ZFYVE9: variants seen among roughly 807,000 people sequenced by gnomAD.
ZFYVE9 encodes the protein zinc finger FYVE domain-containing protein 9.
Under a neutral mutation model 126.7 loss-of-function variants are expected in ZFYVE9, and 43 were observed. That is an observed-to-expected ratio of 0.34 (90% confidence interval 0.27 to 0.44). The LOEUF is 0.44. Among genes scored for constraint, ZFYVE9 ranks in the 20% least tolerant of loss-of-function variants. The pLI, the probability that ZFYVE9 is intolerant of heterozygous loss-of-function variation, is 1.00. For synonymous variants in ZFYVE9, 521 were observed against 597.4 expected (o/e 0.87, Z 1.87); for missense variants, 1,476 against 1,697.0 (o/e 0.87, Z 2.29).
intron 1 of ZFYVE9, among the ~76,000 whole-genome samples, chr1:52,165,493 C>T (rs140911435): frequency 1.2e-4 from 19 of 152,154 alleles, no homozygotes; most frequent in African/African-American, 4.6e-4. Flanking sequence ...TAGAAGGGAA[C>T]AGAATAAATC....
intron 6 of ZFYVE9, among the ~76,000 whole-genome samples, chr1:52,267,422 T>C (rs1034991556): frequency 5.3e-5 from 8 of 152,194 alleles, no homozygotes; most frequent in African/African-American, 1.9e-4. Context: ...ATGATGATAA[T>C]ATTGTCAGAT....
chr1:52,340,756 C>T (rs967719885), intron 17 of ZFYVE9, among the ~76,000 whole-genome samples: 2 of 151,600 alleles, frequency 1.3e-5, no homozygotes, highest in African/African-American at 2.4e-5. Context: ...AAAAATTAGC[C>T]GAGGCATGGT....
chr1:52,199,667 A>G (rs1461209710), intron 1 of ZFYVE9, among the ~76,000 whole-genome samples: 2 of 152,204 alleles, frequency 1.3e-5, no homozygotes, highest in Non-Finnish European at 2.9e-5. Flanking sequence ...TTGTGTGGAC[A>G]TGTTTTCAGC....
chr1:52,213,907 G>A lies in ZFYVE9; in HGVS notation c.-142-2462G>A, dbSNP rs191132099. Among the ~76,000 whole-genome samples the A allele has an allele frequency of 5.3e-5, 8 of 152,220 alleles. No individual in the cohort carries two copies. The East Asian group carries it at 1.5e-3, about 29-fold the overall frequency. ...TATAGAGACTCCAAGGTTCTCTAAG[G>A]GCTTAGGTGAGGTGTGGTACTGAAA... is the stretch of plus-strand genomic sequence containing the variant. On this transcript the variant is annotated intron_variant, in intron 1 of 18. Transcript: ENST00000287727.
At chr1:52,334,370 G>A (rs1646370776) in intron 14 of ZFYVE9, among the ~76,000 whole-genome samples, 1 of 152,098 alleles carries the variant, frequency 6.6e-6, no homozygotes, top group African/African-American at 2.4e-5. Flanking sequence ...TACAAAAGCA[G>A]GCTGGAGGCC....
intron 13 of ZFYVE9, among the ~76,000 whole-genome samples, chr1:52,309,412 G>A (rs574767521): frequency 2.0e-5 from 3 of 152,288 alleles, no homozygotes; most frequent in Non-Finnish European, 2.9e-5. Context: ...CCAGGAAGTC[G>A]AGACTGCAGT....
chr1:52,181,496 G>A (rs1173145796), intron 1 of ZFYVE9, among the ~76,000 whole-genome samples: 3 of 152,190 alleles, frequency 2.0e-5, no homozygotes. Flanking sequence ...GCCTCTGCCC[G>A]GCCGCCACCC....
chr1:52,303,225 T>C (rs886297176), intron 12 of ZFYVE9, among the ~76,000 whole-genome samples: 2 of 152,210 alleles, frequency 1.3e-5, no homozygotes, highest in Admixed American at 6.5e-5. Flanking sequence ...TTACCACCTA[T>C]TCATTACCAA....
At chr1:52,197,866 T>C (rs868552806) in intron 1 of ZFYVE9, among the ~76,000 whole-genome samples, 4 of 152,268 alleles carry the variant, frequency 2.6e-5, no homozygotes, top group African/African-American at 4.8e-5. Context: ...TGAGAAAATA[T>C]TCCTCTTGAA....
chr1:52,278,494 T>C lies in ZFYVE9; in HGVS notation c.2749T>C (p.Tyr917His). ...TACATTGTTTTCTCCCCTTTCAGAC[T>C]ATGCTGTGGAAGAGAAACCATCACA... ...ILISTGVKGD[Y>H]AVEEKPSQIS... Residue 917 changes from tyrosine (Y) to histidine (H), a missense_variant and splice_region_variant, in exon 9 of 19, where the codon TAT becomes CAT. Tyr to His is a moderately conservative substitution (Grantham distance 83, BLOSUM62 2). Coordinates refer to ENST00000287727, the MANE Select transcript of ZFYVE9 (RefSeq NM_004799.4). The C allele has an allele frequency of 6.2e-7, 1 of 1,614,154 alleles. No homozygotes were observed. The highest frequency in any genetic ancestry group is 8.5e-7 in the Non-Finnish European group (1 of 1,180,016).
intron 13 of ZFYVE9, among the ~76,000 whole-genome samples, chr1:52,321,080 T>G (rs1268965164): frequency 6.6e-6 from 1 of 152,208 alleles, no homozygotes; most frequent in Non-Finnish European, 1.5e-5. Flanking sequence ...TGAAATCATG[T>G]ATTTGTACAA....
chr1:52,204,477 A>C (rs1391137106), intron 1 of ZFYVE9, among the ~76,000 whole-genome samples: 2 of 152,186 alleles, frequency 1.3e-5, no homozygotes, highest in African/African-American at 4.8e-5. Flanking sequence ...TGCTAATCCC[A>C]GCACTTTGGG....
chr1:52,240,285 AT>A (rs1645320515), intron 4 of ZFYVE9, among the ~76,000 whole-genome samples: 1 of 152,152 alleles, frequency 6.6e-6, no homozygotes. Flanking sequence ...GAGATTTTAT[AT>A]TTTTGAGATA....
intron 1 of ZFYVE9, among the ~76,000 whole-genome samples, chr1:52,143,187 G>C (rs1280474582): frequency 6.6e-6 from 1 of 152,148 alleles, no homozygotes; most frequent in African/African-American, 2.4e-5. Flanking sequence ...GTACAAAAAT[G>C]TTCCACTTAA....
intron 1 of ZFYVE9, among the ~76,000 whole-genome samples, chr1:52,161,764 G>A (rs968365745): frequency 6.6e-6 from 1 of 151,996 alleles, no homozygotes; most frequent in African/African-American, 2.4e-5. Context: ...ACTGTTCCAT[G>A]CCACCCCAAA....
At chr1:52,280,473 G>A (rs1645792455) in intron 9 of ZFYVE9, among the ~76,000 whole-genome samples, 1 of 151,968 alleles carries the variant, frequency 6.6e-6, no homozygotes, top group South Asian at 2.1e-4. Flanking sequence ...GATTCCCAAA[G>A]TGAAATAAAG....
At chr1:52,243,580 A>G (rs953390911) in intron 4 of ZFYVE9, among the ~76,000 whole-genome samples, 8 of 152,198 alleles carry the variant, frequency 5.3e-5, no homozygotes, top group Admixed American at 5.2e-4. Flanking sequence ...CACCTATTCA[A>G]CAAACTGAAG....
intron 13 of ZFYVE9, among the ~76,000 whole-genome samples, chr1:52,325,435 A>G (rs1207888362): frequency 1.3e-5 from 2 of 152,128 alleles, no homozygotes; most frequent in Non-Finnish European, 2.9e-5. Flanking sequence ...TGGGAGGGTC[A>G]CCTGAGCCCC....
chr1:52,155,525 C>T (rs182198509), intron 1 of ZFYVE9, among the ~76,000 whole-genome samples: 8 of 152,294 alleles, frequency 5.3e-5, no homozygotes, highest in East Asian at 3.9e-4. Context: ...TGAGCCACCA[C>T]GCCCGGCCAC....
Sources: gnomAD v4.1 joint callset for allele counts (sites outside exome capture counted in the v4.1 genomes callset) on GRCh38, gnomAD v4.1.1 for gene constraint, MANE v1.5 for transcripts, NCBI Gene and HGNC (gene_info 2026-07-23, HGNC 2026-07-21) for gene names.